HECA: variants seen among roughly 807,000 people sequenced by gnomAD.
The protein encoded by HECA is headcase protein homolog.
A neutral mutation model predicts 37.6 loss-of-function variants in HECA; 13 were observed. That is an observed-to-expected ratio of 0.35 (90% CI 0.23 to 0.55). HECA has a LOEUF of 0.55. HECA is among the 20% of genes least tolerant of loss of function. HECA has a pLI of 0.90. For missense variants in HECA, 527 were observed against 701.9 expected, an observed-to-expected ratio of 0.75 and a Z score of 2.82; for synonymous variants, 307 against 291.5, an observed-to-expected ratio of 1.05 and a Z score of -0.54.
chr6:139,166,327 G>A lies in HECA; in HGVS notation c.315G>A (p.Pro105=), dbSNP rs548280006. The change falls in exon 2 of 4, where the codon CCG becomes CCA. Residue 105 remains proline (P), a synonymous_variant. Coordinates refer to ENST00000367658, the MANE Select transcript of HECA (RefSeq NM_016217.3). ...ATPLICSFGR[P]VDLEKDDYQK... ...CCCTGATCTGCAGCTTCGGTAGGCC[G>A]GTGGACCTGGAGAAGGACGACTACC... is the stretch of plus-strand genomic sequence containing the variant. 7.4e-6 allele frequency: 12 copies of A among 1,612,768 alleles called. No individual in the cohort carries two copies. The highest frequency in any genetic ancestry group is 2.2e-5 in the East Asian group (1 of 44,826).
At chr6:139,168,841 T>G (rs901909697) in intron 2 of HECA, among the ~76,000 whole-genome samples, 1 of 152,264 alleles carries the variant, frequency 6.6e-6, no homozygotes, top group African/African-American at 2.4e-5. Context: ...TTTAGCTGGC[T>G]GTAGTCTTCT....
chr6:139,163,308 A>C (rs1424020967), intron 1 of HECA, among the ~76,000 whole-genome samples: 1 of 150,450 alleles, frequency 6.6e-6, no homozygotes, highest in Non-Finnish European at 1.5e-5. Context: ...GTGGAGAAGC[A>C]CCGATGTTAC....
chr6:139,174,664 C>A, intron 3 of HECA, 125 bp downstream of exon 3: 1 of 1,387,590 alleles, frequency 7.2e-7, no homozygotes, highest in Non-Finnish European at 9.6e-7. Context: ...TGAGTTACTA[C>A]TTGTAATGTA....
chr6:139,173,890 C>T (rs540932850), intron 2 of HECA, among the ~76,000 whole-genome samples: 6 of 152,250 alleles, frequency 3.9e-5, no homozygotes, highest in African/African-American at 1.4e-4. Context: ...GGATAGTTAA[C>T]AGTAATTTTG....
intron 1 of HECA, among the ~76,000 whole-genome samples, chr6:139,143,030 C>A (rs1774534943): frequency 6.6e-6 from 1 of 152,094 alleles, no homozygotes; most frequent in South Asian, 2.1e-4. Flanking sequence ...CTTTGAAATT[C>A]TGTCTGTATT....
At chr6:139,136,696 G>A (rs1319931812) in intron 1 of HECA, among the ~76,000 whole-genome samples, 1 of 151,260 alleles carries the variant, frequency 6.6e-6, no homozygotes, top group Non-Finnish European at 1.5e-5. Flanking sequence ...GCGTAGTGGC[G>A]CAATCTCGGC....
chr6:139,174,679 T>C, intron 3 of HECA, 140 bp downstream of exon 3: 2 of 1,216,674 alleles, frequency 1.6e-6, no homozygotes, highest in Non-Finnish European at 2.2e-6. Flanking sequence ...AATGTAGTCA[T>C]TTAGTGGAAT....
rs554314060 is a variant in HECA, at chr6:139,147,746, G to T, written c.271+12079G>T. On this transcript the variant is annotated intron_variant, in intron 1 of 3. Coordinates refer to ENST00000367658, the MANE Select transcript of HECA (RefSeq NM_016217.3). ...TTGATCTGATCCTTCTATCACAGAA[G>T]GACTTCCTGGTCTTGGCTTGGGAGA... Among the ~76,000 whole-genome samples the T allele has an allele frequency of 1.2e-4, 18 of 152,350 alleles. No individual in the cohort carries two copies. The South Asian group carries it at 1.4e-3, about 12-fold the overall frequency.
intron 2 of HECA, among the ~76,000 whole-genome samples, chr6:139,173,785 T>A (rs893850604): frequency 2.0e-5 from 3 of 152,248 alleles, no homozygotes; most frequent in African/African-American, 7.2e-5. Flanking sequence ...GCTCGGTGAA[T>A]AATAAGACAT....
intron 1 of HECA, among the ~76,000 whole-genome samples, chr6:139,149,075 C>G (rs953419277): frequency 6.6e-6 from 1 of 152,116 alleles, no homozygotes; most frequent in African/African-American, 2.4e-5. Flanking sequence ...TAAGAAAGTT[C>G]TCATTTTTCT....
In HECA at chr6:139,176,867, T is replaced by G; in HGVS notation, c.1468-74T>G. ...AAAGCCCTTGATCAGTTTCCCAGCA[T>G]TTTGGTTTGGATGACTTTGACAAGT... On this transcript the variant is annotated intron_variant, in intron 3 of 3. Transcript: ENST00000367658. The surrounding 1 kb of genome is among the most constrained non-coding windows in gnomAD (Gnocchi z 4.5). 1.3e-6 allele frequency: 1 copy of G among 783,238 alleles called. No individual in the cohort carries two copies. The highest frequency in any genetic ancestry group is 2.2e-6 in the Non-Finnish European group (1 of 444,768). 48.5% of individuals were successfully genotyped at this position (783,238 alleles called of 1,614,324 possible). A position where few individuals can be genotyped will look rare whatever the true frequency, so the allele number is the denominator to read the frequency against.
intron 3 of HECA, among the ~76,000 whole-genome samples, chr6:139,175,639 CCTT>C (rs1775041346): frequency 6.6e-6 from 1 of 152,172 alleles, no homozygotes; most frequent in South Asian, 2.1e-4. Context: ...AGACCGACCT[CCTT>C]ATTTCCTCAT....
intron 1 of HECA, among the ~76,000 whole-genome samples, chr6:139,139,758 A>G (rs1582933647): frequency 2.6e-5 from 4 of 152,306 alleles, no homozygotes; most frequent in East Asian, 3.9e-4. Flanking sequence ...CCAGGAAGAG[A>G]GCATGACCTT....
intron 1 of HECA, among the ~76,000 whole-genome samples, chr6:139,146,534 G>A (rs892699318): frequency 1.3e-5 from 2 of 152,168 alleles, no homozygotes; most frequent in East Asian, 1.9e-4. Flanking sequence ...GGCAGAAGTC[G>A]AAACAGAAAT....
In HECA at chr6:139,167,170, C is replaced by G; in HGVS notation, c.1158C>G (p.Ala386=). The stretch of plus-strand genomic sequence containing the variant: ...AAGACTTGCGGAAGTTCATTCTGGC[C>G]GCGCTCAGTGCCAGCCACAGAAACG... ...QGEDLRKFIL[A]ALSASHRNVV... The change falls in exon 2 of 4, where the codon GCC becomes GCG. Residue 386 remains alanine, a synonymous_variant. Coordinates refer to ENST00000367658, the MANE Select transcript of HECA (RefSeq NM_016217.3). 1 of 1,614,190 alleles carries G rather than the reference C, an allele frequency of 6.2e-7. No individual in the cohort carries two copies. Among genetic ancestry groups the G allele is most frequent in the Non-Finnish European group, 8.5e-7 (1 of 1,180,036 alleles).
At chr6:139,165,629 T>G (rs1000538843) in intron 1 of HECA, among the ~76,000 whole-genome samples, 6 of 152,082 alleles carry the variant, frequency 3.9e-5, no homozygotes, top group African/African-American at 1.4e-4. Context: ...TTTTTGACAT[T>G]TTAGAAATAA....
rs542204936 is a variant in HECA, at chr6:139,167,431, G to A, written c.1312+107G>A. On this transcript the variant is annotated intron_variant, in intron 2 of 3. Transcript: ENST00000367658. ...TAGTTTTCACCAGTGTTGTTTTTTT[G>A]TTCTAGTCAGGTGCTAGGTAACATT... 6.4e-5 allele frequency: 61 copies of A among 952,628 alleles called. No individual in the cohort carries two copies. In the South Asian group the frequency reaches 9.7e-4, roughly 15 times the overall value. 59.0% of individuals were successfully genotyped at this position (952,628 alleles called of 1,614,324 possible). A position where few individuals can be genotyped will look rare whatever the true frequency, so the allele number is the denominator to read the frequency against.
chr6:139,166,324 G>T lies in HECA; in HGVS notation c.312G>T (p.Arg104Ser). The stretch of plus-strand genomic sequence containing the variant: ...CTCCCCTGATCTGCAGCTTCGGTAG[G>T]CCGGTGGACCTGGAGAAGGACGACT... ...CATPLICSFG[R>S]PVDLEKDDYQ... The change falls in exon 2 of 4, where the codon AGG becomes AGT. Residue 104 changes from arginine to serine, a missense_variant. Transcript: ENST00000367658. 1.9e-6 allele frequency: 3 copies of T among 1,612,628 alleles called. No homozygotes were observed. Among genetic ancestry groups the T allele is most frequent in the Non-Finnish European group, 8.5e-7 (1 of 1,178,900 alleles).
intron 1 of HECA, among the ~76,000 whole-genome samples, chr6:139,137,371 CTT>C (rs1466002757): frequency 2.0e-5 from 3 of 152,240 alleles, no homozygotes; most frequent in Non-Finnish European, 4.4e-5. Context: ...CAGAGTGCCC[CTT>C]CCCTATTATG....
Sources: allele counts gnomAD v4.1 joint callset (sites outside exome capture counted in the v4.1 genomes callset), GRCh38; gene constraint gnomAD v4.1.1; non-coding constraint Gnocchi (gnomAD v3.1); transcripts MANE v1.5; gene names NCBI Gene and HGNC (gene_info 2026-07-23, HGNC 2026-07-21).